TRIM36: variants seen among roughly 807,000 people sequenced by gnomAD.
The protein encoded by TRIM36 is E3 ubiquitin-protein ligase TRIM36.
TRIM36 carries 42 observed loss-of-function variants against 72.4 expected under a neutral mutation model. The observed-to-expected ratio is 0.58, with a 90% CI of 0.45 to 0.75. The LOEUF is 0.75. Among genes scored for constraint, TRIM36 ranks in the 30% least tolerant of loss-of-function variants. The pLI is 0.00. For synonymous variants in TRIM36, 315 were observed against 282.8 expected, an observed-to-expected ratio of 1.11 and a Z score of -1.14; for missense variants, 913 against 857.1, an observed-to-expected ratio of 1.07 and a Z score of -0.81.
chr5:115,135,453 CTT>C (rs1377541058), intron 7 of TRIM36, among the ~76,000 whole-genome samples: 1 of 150,090 alleles, frequency 6.7e-6, no homozygotes, highest in South Asian at 2.1e-4. Context: ...TACTCTTTTT[CTT>C]TCTTTTTTTG....
intron 2 of TRIM36, among the ~76,000 whole-genome samples, chr5:115,152,464 G>T (rs1479148819): frequency 6.6e-6 from 1 of 152,110 alleles, no homozygotes; most frequent in Non-Finnish European, 1.5e-5. Context: ...AATAATCGAG[G>T]AAAACTACCC....
chr5:115,179,470 C>G (rs1300644957), intron 1 of TRIM36, among the ~76,000 whole-genome samples: 5 of 152,256 alleles, frequency 3.3e-5, no homozygotes, highest in Admixed American at 3.3e-4. Flanking sequence ...GCAGGGCGAA[C>G]GAACGTGCTG....
chr5:115,130,446 C>T (rs1023204441), intron 9 of TRIM36, 146 bp downstream of exon 9: 44 of 806,908 alleles, frequency 5.5e-5, no homozygotes, highest in Non-Finnish European at 7.7e-5. Context: ...TACAAGAATA[C>T]CCGGCTCCTT....
intron 2 of TRIM36, chr5:115,149,484 G>C (rs989364934): frequency 6.8e-6 from 1 of 146,084 alleles, no homozygotes; most frequent in African/African-American, 2.6e-5. Context: ...TTAAAGTAAC[G>C]GGATAATGAA....
At chr5:115,171,615 GAC>G (rs1205483417), upstream of TRIM36, among the ~76,000 whole-genome samples, 1 of 152,112 alleles carries the variant, frequency 6.6e-6, no homozygotes, top group Non-Finnish European at 1.5e-5. Context: ...CTTATTAGTT[GAC>G]ACAGTAAAAG....
intron 2 of TRIM36, among the ~76,000 whole-genome samples, chr5:115,153,029 C>T (rs1753977350): frequency 6.6e-6 from 1 of 152,092 alleles, no homozygotes; most frequent in Non-Finnish European, 1.5e-5. Context: ...AATGGTACCT[C>T]ATATCTCAAT....
chr5:115,165,788 G>A (rs892061022), intron 1 of TRIM36, among the ~76,000 whole-genome samples: 5 of 152,088 alleles, frequency 3.3e-5, no homozygotes, highest in Admixed American at 1.3e-4. Context: ...CTATGCTCTC[G>A]GGGGCCCAGG....
chr5:115,129,183 C>T (rs192576612), intron 9 of TRIM36, among the ~76,000 whole-genome samples: 1 of 152,244 alleles, frequency 6.6e-6, no homozygotes, highest in East Asian at 1.9e-4. Flanking sequence ...TGTAAGAACA[C>T]TCTATGATGT....
chr5:115,133,746 TAA>T (rs1287578817), intron 8 of TRIM36, 112 bp downstream of exon 8: 1 of 1,100,702 alleles, frequency 9.1e-7, no homozygotes, highest in African/African-American at 1.6e-5. Context: ...TGGAGTCTTT[TAA>T]AAACAAGAGC....
intron 9 of TRIM36, among the ~76,000 whole-genome samples, chr5:115,128,425 G>C (rs970765250): frequency 6.6e-6 from 1 of 151,600 alleles, no homozygotes; most frequent in Non-Finnish European, 1.5e-5. Context: ...TAAGCTAAGT[G>C]TTCCTACAAG....
intron 5 of TRIM36, among the ~76,000 whole-genome samples, chr5:115,140,787 G>A (rs1318743199): frequency 6.6e-6 from 1 of 152,088 alleles, no homozygotes; most frequent in Admixed American, 6.6e-5. Flanking sequence ...CATGTGGGTA[G>A]ATCCCACTTT....
Position 115,130,813 on chromosome 5 carries a change from T to C in TRIM36, c.1575A>G (p.Val525=), listed in dbSNP as rs1366248251. The C allele has an allele frequency of 1.9e-6, 3 of 1,614,182 alleles. No individual in the cohort carries two copies. The highest frequency in any genetic ancestry group is 1.1e-5 in the South Asian group (1 of 91,082). Residue 525 remains valine, a synonymous_variant, in exon 9 of 10, where the codon GTA becomes GTG. Coordinates refer to ENST00000513154, the MANE Select transcript of TRIM36 (RefSeq NM_001300759.2). ...HLLLNLKRDR[V]ESRAGFNLLL... ...GAAGATTAAATCCAGCTCTACTCTC[T>C]ACACGGTCTCTCTTCAAGTTCAGCA...
intron 2 of TRIM36, among the ~76,000 whole-genome samples, chr5:115,151,548 T>A (rs1753897000): frequency 6.6e-6 from 1 of 152,166 alleles, no homozygotes; most frequent in South Asian, 2.1e-4. Context: ...CTTTGGAAAG[T>A]GCCACCTCCT....
At chr5:115,177,899 G>C (rs773053853) in intron 1 of TRIM36, 1 of 1,610,984 alleles carries the variant, frequency 6.2e-7, no homozygotes, top group South Asian at 1.1e-5. Flanking sequence ...CAGAGAGAGA[G>C]AGAGCAGAGA....
upstream of TRIM36, among the ~76,000 whole-genome samples, chr5:115,174,642 T>G (rs1282434145): frequency 6.6e-6 from 1 of 152,196 alleles, no homozygotes; most frequent in African/African-American, 2.4e-5. Flanking sequence ...TCCTCATCTT[T>G]CAAGTTGCAC....
chr5:115,148,347 C>T, intron 2 of TRIM36: 5 of 984,400 alleles, frequency 5.1e-6, no homozygotes, highest in Non-Finnish European at 6.0e-6. Flanking sequence ...CATTGGTTCA[C>T]AGGAATCCAG....
intron 5 of TRIM36, 101 bp from the exon 6 acceptor site, chr5:115,137,717 T>C: frequency 7.7e-7 from 1 of 1,298,838 alleles, no homozygotes; most frequent in Non-Finnish European, 1.0e-6. Flanking sequence ...TAATTACATT[T>C]CATCTATGTG....
At chr5:115,135,082 AG>A (rs1358270704) in intron 7 of TRIM36, among the ~76,000 whole-genome samples, 3 of 152,188 alleles carry the variant, frequency 2.0e-5, no homozygotes, top group African/African-American at 7.2e-5. Context: ...TTAACTGTTT[AG>A]TTTTGGAAAC....
Position 115,137,469 on chromosome 5 carries a change from A to T in TRIM36, c.979T>A (p.Tyr327Asn). 1 of 1,614,076 alleles carries T rather than the reference A, an allele frequency of 6.2e-7. No homozygotes were observed. The highest frequency in any genetic ancestry group is 8.5e-7 in the Non-Finnish European group (1 of 1,180,006). The change falls in exon 6 of 10, where the codon TAC becomes AAC. Residue 327 changes from tyrosine (Y) to asparagine (N), a missense_variant. Tyr to Asn is a moderately radical substitution (Grantham distance 143, BLOSUM62 -2). Coordinates refer to ENST00000513154, the MANE Select transcript of TRIM36 (RefSeq NM_001300759.2). ...LDKFQTQMEE[Y>N]QGLLENNGLV... ...CCATTGTTCTCTAGAAGTCCCTGGT[A>T]CTCTTCCATTTGAGTCTGAAATTTG...
Sources: gnomAD v4.1 joint callset for allele counts (sites outside exome capture counted in the v4.1 genomes callset) on GRCh38, gnomAD v4.1.1 for gene constraint, MANE v1.5 for transcripts, NCBI Gene and HGNC (gene_info 2026-07-23, HGNC 2026-07-21) for gene names.